NDUFA10: variants seen among roughly 807,000 people sequenced by gnomAD.
NDUFA10 encodes NADH dehydrogenase [ubiquinone] 1 alpha subcomplex subunit 10, mitochondrial.
A neutral mutation model predicts 47.8 loss-of-function variants in NDUFA10; 40 were observed. The observed-to-expected ratio is 0.84, with a 90% CI of 0.65 to 1.09. The LOEUF (loss-of-function observed/expected upper bound fraction) is 1.09, where lower values mean the gene tolerates loss of function less well. NDUFA10 is among the 50% of genes least tolerant of loss of function. NDUFA10 has a pLI of 0.00. For missense variants in NDUFA10, 413 were observed against 451.1 expected, an observed-to-expected ratio of 0.92 and a Z score of 0.76; for synonymous variants, 183 against 172.2, an observed-to-expected ratio of 1.06 and a Z score of -0.49.
In NDUFA10 at chr2:239,904,906, C is replaced by T. The variant is rs114935457; in HGVS notation, c.295-9592G>A. Among the ~76,000 whole-genome samples, 902 of 152,266 alleles carry T rather than the reference C, an allele frequency of 5.9e-3. 5 individuals carry two copies. The highest frequency in any genetic ancestry group is 0.02 in the African/African-American group (846 of 41,546). On this transcript the variant is annotated intron_variant, in intron 4 of 5. Transcript: ENST00000419408. ...TCCTTGGCTTGTGGTGGAATGGCTC[C>T]GATCCCGCCTCTGCATTCACACCGG...
chr2:239,952,411 A>AC (rs906530290), downstream of NDUFA10, among the ~76,000 whole-genome samples: 11 of 149,378 alleles, frequency 7.4e-5, no homozygotes, highest in Non-Finnish European at 1.5e-5. Flanking sequence ...CAGCAAACCC[A>AC]CCCCCACTGG....
At chr2:239,990,596 T>A (rs1696204771) in intron 8 of NDUFA10, among the ~76,000 whole-genome samples, 2 of 152,158 alleles carry the variant, frequency 1.3e-5, no homozygotes, top group Admixed American at 1.3e-4. Context: ...GATGAGTGGA[T>A]CTTGGGGCAG....
intron 4 of NDUFA10, among the ~76,000 whole-genome samples, chr2:239,940,150 C>G (rs1413776064): frequency 1.3e-5 from 2 of 152,232 alleles, no homozygotes; most frequent in Non-Finnish European, 2.9e-5. Flanking sequence ...GCTTTGCAGG[C>G]CATACAGCCT....
At chr2:239,930,741 G>C (rs1311359636) in intron 4 of NDUFA10, among the ~76,000 whole-genome samples, 1 of 152,156 alleles carries the variant, frequency 6.6e-6, no homozygotes, top group African/African-American at 2.4e-5. Context: ...GGGAACAGCA[G>C]GCATGGAGGC....
At chr2:240,011,879 C>A in intron 5 of NDUFA10, 183 bp from the exon 6 acceptor site, 1 of 647,878 alleles carries the variant, frequency 1.5e-6, no homozygotes, top group Middle Eastern at 4.1e-4. Context: ...TCTCCTTCTA[C>A]TACAGTGAAC....
chr2:240,018,372 G>A, intron 4 of NDUFA10, 181 bp downstream of exon 4: 5 of 1,522,274 alleles, frequency 3.3e-6, no homozygotes, highest in Non-Finnish European at 4.4e-6. Flanking sequence ...CCTATTTCAG[G>A]AGGGAGAAAG....
intron 9 of NDUFA10, among the ~76,000 whole-genome samples, chr2:239,961,564 G>C (rs1250747511): frequency 6.6e-6 from 1 of 152,204 alleles, no homozygotes; most frequent in African/African-American, 2.4e-5. Flanking sequence ...TGGGACCCAG[G>C]AACCACAGTT....
chr2:239,941,718 C>A (rs1356406428), intron 4 of NDUFA10, among the ~76,000 whole-genome samples: 1 of 146,238 alleles, frequency 6.8e-6, no homozygotes, highest in Non-Finnish European at 1.5e-5. Flanking sequence ...GAGTAAGACT[C>A]TGTCTCAAAA....
chr2:239,989,953 C>A, intron 9 of NDUFA10, 121 bp downstream of exon 9: 1 of 779,866 alleles, frequency 1.3e-6, no homozygotes. Flanking sequence ...AAAGAGGCTC[C>A]TTCACTAAAA....
intron 4 of NDUFA10, among the ~76,000 whole-genome samples, chr2:239,913,782 T>G (rs1364726191): frequency 6.6e-6 from 1 of 152,244 alleles, no homozygotes; most frequent in East Asian, 1.9e-4. Flanking sequence ...TCCCACCCCA[T>G]CTGGCAGGCT....
At chr2:239,956,784 GA>G (rs1269483223), downstream of NDUFA10, among the ~76,000 whole-genome samples, 1 of 152,222 alleles carries the variant, frequency 6.6e-6, no homozygotes, top group Non-Finnish European at 1.5e-5. Context: ...CCGGGCAGCA[GA>G]AAACTCATGC....
chr2:239,980,105 C>T (rs770036957), intron 9 of NDUFA10, among the ~76,000 whole-genome samples: 1 of 152,162 alleles, frequency 6.6e-6, no homozygotes, highest in Non-Finnish European at 1.5e-5. Context: ...TCTCCAAGAC[C>T]CTGGCACCCT....
In NDUFA10 at chr2:239,906,291, G is replaced by A. The variant is rs1194610329; in HGVS notation, c.295-10977C>T. Among the ~76,000 whole-genome samples the A allele has an allele frequency of 6.6e-6, 1 of 152,144 alleles. No individual in the cohort carries two copies. Among genetic ancestry groups the A allele is most frequent in the East Asian group, 1.9e-4 (1 of 5,186 alleles). On this transcript the variant is annotated intron_variant, in intron 4 of 5. Transcript: ENST00000419408. This position sits in a 1 kb window ranked among gnomAD's most constrained non-coding sequence, Gnocchi z 4.3. ...TACTGTTCAAGCTCTTAGCAAAACT[G>A]CGGCTTCAGTTGTGCCTTGCTGACT...
At chr2:239,976,651 A>G (rs552838407) in intron 9 of NDUFA10, 2 of 152,332 alleles carry the variant, frequency 1.3e-5, no homozygotes, top group African/African-American at 4.8e-5. Flanking sequence ...GTGCGGTGAA[A>G]TGGGGGCCAG....
chr2:239,993,725 A>G (rs886655494), intron 8 of NDUFA10, among the ~76,000 whole-genome samples: 2 of 152,206 alleles, frequency 1.3e-5, no homozygotes, highest in Non-Finnish European at 2.9e-5. Context: ...CAAGGGGAGC[A>G]GCAGTGTTAG....
rs1296853340 is a variant in NDUFA10 at position 240,016,907 on chromosome 2, A to G, written c.547+1646T>C. ...CCCAAACATGAAGCCACATCGGTCC[A>G]CTGCCCCTGTGCATCCTTCCCCCTT... On this transcript the variant is annotated intron_variant, in intron 4 of 9. Transcript: ENST00000252711. This position sits in a 1 kb window ranked among gnomAD's most constrained non-coding sequence, Gnocchi z 4.4. Among the ~76,000 whole-genome samples, 6 of 152,188 alleles carry G rather than the reference A, an allele frequency of 3.9e-5. No individual in the cohort carries two copies. The highest frequency in any genetic ancestry group is 7.4e-5 in the Non-Finnish European group (5 of 67,994).
At chr2:240,023,618 T>G (rs367676988) in intron 1 of NDUFA10, among the ~76,000 whole-genome samples, 1 of 152,158 alleles carries the variant, frequency 6.6e-6, no homozygotes, top group Admixed American at 6.5e-5. Flanking sequence ...AACGGAGGAA[T>G]AGTTAAACAA....
intron 9 of NDUFA10, among the ~76,000 whole-genome samples, chr2:239,979,113 C>T (rs755646285): frequency 6.6e-6 from 1 of 152,196 alleles, no homozygotes; most frequent in Admixed American, 6.5e-5. Context: ...CCTTTCTGGG[C>T]TCATCCATCC....
chr2:239,930,365 C>T (rs1209699720), intron 4 of NDUFA10, among the ~76,000 whole-genome samples: 1 of 152,222 alleles, frequency 6.6e-6, no homozygotes, highest in African/African-American at 2.4e-5. Flanking sequence ...TTTCCTCCTT[C>T]AGCCGTGCAT....
Sources: gnomAD v4.1 joint callset for allele counts (sites outside exome capture counted in the v4.1 genomes callset) on GRCh38, gnomAD v4.1.1 for gene constraint, Gnocchi (gnomAD v3.1) non-coding constraint, MANE v1.5 for transcripts, NCBI Gene and HGNC (gene_info 2026-07-23, HGNC 2026-07-21) for gene names.